PELI1: variants seen among roughly 807,000 people sequenced by gnomAD.
The protein encoded by PELI1 is pellino E3 ubiquitin protein ligase 1.
A neutral mutation model predicts 41.3 loss-of-function variants in PELI1; 15 were observed. That is an observed-to-expected ratio of 0.36 (90% CI 0.24 to 0.56). The LOEUF (loss-of-function observed/expected upper bound fraction) is 0.56, where lower values mean the gene tolerates loss of function less well. Among genes scored for constraint, PELI1 ranks in the 20% least tolerant of loss-of-function variants. The pLI, the probability that PELI1 is intolerant of heterozygous loss-of-function variation, is 0.82. For missense variants in PELI1, 403 were observed against 525.5 expected (o/e 0.77, Z 2.28); for synonymous variants, 178 against 180.1 (o/e 0.99, Z 0.09).
At chr2:64,125,048 C>T (rs1247967566) in intron 1 of PELI1, among the ~76,000 whole-genome samples, 1 of 147,184 alleles carries the variant, frequency 6.8e-6, no homozygotes, top group Non-Finnish European at 1.5e-5. Context: ...CCAGGAACAG[C>T]CAAATGGAAG....
chr2:64,139,707 C>T (rs1052847188), intron 1 of PELI1, among the ~76,000 whole-genome samples: 2 of 152,202 alleles, frequency 1.3e-5, no homozygotes, highest in Non-Finnish European at 2.9e-5. Flanking sequence ...GCATCTAGAC[C>T]TGTGACATGT....
At position 64,094,881 on chromosome 2, in the gene PELI1, G is replaced by C; in HGVS notation, c.1078C>G (p.Pro360Ala). 6.2e-7 allele frequency: 1 copy of C among 1,614,206 alleles called. No homozygotes were observed. Among genetic ancestry groups the C allele is most frequent in the Non-Finnish European group, 8.5e-7 (1 of 1,180,034 alleles). ...EAGFYVDAGP[P>A]THAFSPCGHV... is the part of the protein sequence containing the mutation. ...CCACACGGGCTAAACGCATGGGTTG[G>C]AGGGCCGGCGTCCACATAAAATCCA... The change falls in exon 7 of 7, where the codon CCA becomes GCA. Residue 360 changes from proline (P) to alanine (A), a missense_variant. Physicochemically the swap from Pro to Ala is conservative, Grantham distance 27. Coordinates refer to ENST00000358912, the MANE Select transcript of PELI1 (RefSeq NM_020651.4).
At position 64,105,609 on chromosome 2, in the gene PELI1, T is replaced by C. The variant is rs147868842; in HGVS notation, c.72-779A>G. Among the ~76,000 whole-genome samples, 5 of 152,300 alleles carry C rather than the reference T, an allele frequency of 3.3e-5. No individual in the cohort carries two copies. The East Asian group carries it at 9.6e-4, about 29-fold the overall frequency. On this transcript the variant is annotated intron_variant, in intron 2 of 6. Transcript: ENST00000358912. ...CTACCCTTGCAAAAATTCTACTAGA[T>C]TGAAATCACTGTCCCCATTTTTGTA...
At chr2:64,109,664 G>A (rs889850922) in intron 1 of PELI1, among the ~76,000 whole-genome samples, 4 of 152,154 alleles carry the variant, frequency 2.6e-5, no homozygotes, top group African/African-American at 9.7e-5. Context: ...CTGGGCAACA[G>A]AGCAAGACTC....
intron 3 of PELI1, 59 bp from the exon 4 acceptor site, chr2:64,100,558 C>A: frequency 1.2e-6 from 1 of 828,558 alleles, no homozygotes; most frequent in East Asian, 2.4e-5. Context: ...ATCAGATAAT[C>A]TTTTCATTAA....
At chr2:64,099,876 G>A (rs982133096) in intron 4 of PELI1, among the ~76,000 whole-genome samples, 1 of 152,308 alleles carries the variant, frequency 6.6e-6, no homozygotes, top group East Asian at 1.9e-4. Context: ...TATTGCATGA[G>A]TAGCATTGAC....
At chr2:64,140,812 A>AAAAAAC (rs1681886007) in intron 1 of PELI1, among the ~76,000 whole-genome samples, 1 of 148,450 alleles carries the variant, frequency 6.7e-6, no homozygotes, top group East Asian at 1.9e-4. Context: ...AACAAACAAA[A>AAAAAAC]AAAAACCTAG....
chr2:64,129,978 C>T (rs1681503073), intron 1 of PELI1, among the ~76,000 whole-genome samples: 1 of 152,210 alleles, frequency 6.6e-6, no homozygotes, highest in Non-Finnish European at 1.5e-5. Flanking sequence ...TGATTTTCAA[C>T]TCTAGTATAT....
chr2:64,129,879 G>C (rs1262062722), intron 1 of PELI1, among the ~76,000 whole-genome samples: 1 of 152,136 alleles, frequency 6.6e-6, no homozygotes, highest in South Asian at 2.1e-4. Context: ...GATTAAAGTA[G>C]CACTTTTTAA....
rs375140423 is a variant in PELI1 at position 64,135,080 on chromosome 2, T to C, written c.-70+9001A>G. ...GAAGTACAGTTTTCCCCTAAGGTCATATATGGTTAGTATTACAGTAATGAT... is the reference window on the plus strand; with the variant it reads ...GAAGTACAGTTTTCCCCTAAGGTCACATATGGTTAGTATTACAGTAATGAT... On this transcript the variant is annotated intron_variant, in intron 1 of 6. Coordinates refer to ENST00000358912, the MANE Select transcript of PELI1 (RefSeq NM_020651.4). Among the ~76,000 whole-genome samples the C allele has an allele frequency of 9.2e-5, 14 of 152,236 alleles. No individual in the cohort carries two copies. In the South Asian group the frequency reaches 2.9e-3, roughly 32 times the overall value.
chr2:64,133,381 A>G (rs77682283), intron 1 of PELI1, among the ~76,000 whole-genome samples: 2,909 of 152,280 alleles, frequency 0.019, 58 homozygotes, highest in Admixed American at 0.046. Flanking sequence ...ATTTAAAGTC[A>G]TAGAATCCTG....
chr2:64,106,217 G>C (rs1680616095), intron 2 of PELI1: 1 of 152,186 alleles, frequency 6.6e-6, no homozygotes, highest in Admixed American at 6.5e-5. Context: ...TCTGGATCTT[G>C]CTCTTTAGTC....
chr2:64,096,635 T>A, intron 4 of PELI1, 25 bp from the exon 5 acceptor site: 2 of 1,508,880 alleles, frequency 1.3e-6, no homozygotes, highest in Non-Finnish European at 1.8e-6. Context: ...AAAATACCTA[T>A]AAACCCATTC....
At chr2:64,097,208 C>T (rs1372681859) in intron 4 of PELI1, among the ~76,000 whole-genome samples, 2 of 152,312 alleles carry the variant, frequency 1.3e-5, no homozygotes, top group African/African-American at 4.8e-5. Context: ...AGGTTGTCAG[C>T]TATCACTCCT....
chr2:64,107,000 C>T (rs770846251), intron 2 of PELI1, among the ~76,000 whole-genome samples: 3 of 152,182 alleles, frequency 2.0e-5, no homozygotes, highest in Non-Finnish European at 4.4e-5. Context: ...CTGATCTCAG[C>T]TCACTGCAAC....
intron 1 of PELI1, among the ~76,000 whole-genome samples, chr2:64,108,766 G>T (rs1316814995): frequency 6.6e-6 from 1 of 152,122 alleles, no homozygotes; most frequent in African/African-American, 2.4e-5. Context: ...TTTTCTTTTT[G>T]CCTAATATAT....
rs758970841 is a variant in PELI1 at position 64,095,191 on chromosome 2, T to A, written c.768A>T (p.Ala256=). ...CGGTAGGAGTGTGGGAAAGGCCTTCTGCAGTACGCCATAACAATGTTGCAC... is the reference window on the plus strand; with the variant it reads ...CGGTAGGAGTGTGGGAAAGGCCTTCAGCAGTACGCCATAACAATGTTGCAC... ...LCGATLLWRT[A]EGLSHTPTVK... The change falls in exon 7 of 7, where the codon GCA becomes GCT. Residue 256 remains alanine, a synonymous_variant. Transcript: ENST00000358912. 1.2e-6 allele frequency: 2 copies of A among 1,614,142 alleles called. No homozygotes were observed. Among genetic ancestry groups the A allele is most frequent in the African/African-American group, 2.7e-5 (2 of 75,064 alleles).
At position 64,100,507 on chromosome 2, in the gene PELI1, T is replaced by C. The variant is rs1680390649; in HGVS notation, c.202-8A>G. ...GTCTTTGTTGCTTATTGCCTAAGAA[T>C]GAAAAAGTTAATAGCAAAAATTAGT... is the stretch of plus-strand genomic sequence containing the variant. On this transcript the variant is annotated splice_region_variant and splice_polypyrimidine_tract_variant and intron_variant, in intron 3 of 6. Coordinates refer to ENST00000358912, the MANE Select transcript of PELI1 (RefSeq NM_020651.4). The C allele has an allele frequency of 6.2e-6, 9 of 1,455,422 alleles. No homozygotes were observed. The East Asian group carries it at 2.1e-4, about 33-fold the overall frequency. The allele number at this position is 1,455,422 out of a possible 1,614,324, so 90.2% of individuals were successfully genotyped here.
intron 4 of PELI1, 75 bp downstream of exon 4, chr2:64,100,323 C>G: frequency 1.3e-6 from 1 of 767,026 alleles, no homozygotes; most frequent in Non-Finnish European, 2.3e-6. Context: ...ATCCTCTGAC[C>G]TCAGCAAAAG....
Sources: gnomAD v4.1 joint callset for allele counts (sites outside exome capture counted in the v4.1 genomes callset) on GRCh38, gnomAD v4.1.1 for gene constraint, MANE v1.5 for transcripts, NCBI Gene and HGNC (gene_info 2026-07-23, HGNC 2026-07-21) for gene names.